Variants in FBLN2 observed in about 807,000 individuals in gnomAD.
FBLN2 encodes fibulin-2.
A neutral mutation model predicts 123.7 loss-of-function variants in FBLN2; 81 were observed. That is an observed-to-expected ratio of 0.65 (90% confidence interval 0.55 to 0.79). The LOEUF is 0.79. FBLN2 is among the 30% of genes least tolerant of loss of function. The probability of loss-of-function intolerance (pLI) is 0.00; values close to 1 mark genes in which losing one functional copy is unlikely to be tolerated. For synonymous variants in FBLN2, 699 were observed against 701.4 expected, an observed-to-expected ratio of 1.00 and a Z score of 0.05; for missense variants, 1,603 against 1,681.3, an observed-to-expected ratio of 0.95 and a Z score of 0.81.
At chr3:13,617,906 C>T (rs1457840987) in intron 5 of FBLN2, among the ~76,000 whole-genome samples, 170 bp from the exon 6 acceptor site, 3 of 150,718 alleles carry the variant, frequency 2.0e-5, no homozygotes, top group Non-Finnish European at 4.4e-5. Context: ...ATCCATCTAT[C>T]CACCCATCCA....
At chr3:13,606,947 C>T (rs575778656) in intron 2 of FBLN2, among the ~76,000 whole-genome samples, 1 of 152,090 alleles carries the variant, frequency 6.6e-6, no homozygotes, top group East Asian at 1.9e-4. Flanking sequence ...GCCACCGTGC[C>T]CGGCTGACTA....
At chr3:13,623,290 G>A (rs1304929727) in intron 9 of FBLN2, among the ~76,000 whole-genome samples, 2 of 152,218 alleles carry the variant, frequency 1.3e-5, no homozygotes, top group South Asian at 2.1e-4. Flanking sequence ...GCCCTCTCGC[G>A]GTGCCTGAGT....
chr3:13,630,058 C>A, intron 14 of FBLN2, 113 bp downstream of exon 14: 1 of 1,428,896 alleles, frequency 7.0e-7, no homozygotes, highest in Non-Finnish European at 9.5e-7. Context: ...TTCACCCTCA[C>A]ACCTTCACCC....
intron 2 of FBLN2, among the ~76,000 whole-genome samples, chr3:13,586,294 C>T (rs1704496185): frequency 6.6e-6 from 1 of 151,698 alleles, no homozygotes; most frequent in South Asian, 2.1e-4. Flanking sequence ...AAGCTATTCT[C>T]CTGCTTCAGC....
At chr3:13,609,240 G>A (rs1705307350) in intron 3 of FBLN2, among the ~76,000 whole-genome samples, 1 of 152,216 alleles carries the variant, frequency 6.6e-6, no homozygotes, top group Non-Finnish European at 1.5e-5. Context: ...CTCCCCGACC[G>A]TTGTGGGGGT....
At chr3:13,589,125 T>C (rs1476245121) in intron 2 of FBLN2, among the ~76,000 whole-genome samples, 1 of 152,238 alleles carries the variant, frequency 6.6e-6, no homozygotes, top group African/African-American at 2.4e-5. Flanking sequence ...GTTAAACTTG[T>C]CAAGAATTTC....
Position 13,636,554 on chromosome 3 carries a change from C to T in FBLN2, c.3324C>T (p.Val1108=). The change falls in exon 17 of 18, where the codon GTC becomes GTT. Residue 1108 remains valine (V), a synonymous_variant. Transcript: ENST00000404922. The part of the protein sequence containing the change: ...CLRFECPPNY[V]QVSKTKCERT... Reference sequence around the variant, plus strand: ...GCTTCGAGTGTCCTCCCAACTATGTCCAAGTCTCCAAAACGTGAGTGTCCC... The same window carrying T: ...GCTTCGAGTGTCCTCCCAACTATGTTCAAGTCTCCAAAACGTGAGTGTCCC... 6.2e-7 allele frequency: 1 copy of T among 1,613,372 alleles called. No individual in the cohort carries two copies. Among genetic ancestry groups the T allele is most frequent in the Non-Finnish European group, 8.5e-7 (1 of 1,179,672 alleles).
intron 1 of FBLN2, chr3:13,569,010 G>T (rs1279448466): frequency 2.0e-6 from 2 of 985,770 alleles, no homozygotes; most frequent in Non-Finnish European, 1.2e-6. Context: ...ATGGGGCTGC[G>T]CTTTAGGCTG....
intron 2 of FBLN2, among the ~76,000 whole-genome samples, chr3:13,588,515 T>G (rs1469512474): frequency 1.3e-5 from 2 of 152,198 alleles, no homozygotes; most frequent in Non-Finnish European, 2.9e-5. Context: ...GAGCTCCAGG[T>G]CCCAGACCAC....
intron 2 of FBLN2, among the ~76,000 whole-genome samples, chr3:13,592,030 T>A (rs963756102): frequency 5.3e-5 from 8 of 150,084 alleles, no homozygotes; most frequent in Non-Finnish European, 1.2e-4. Context: ...TTTTTTTTTT[T>A]TTTTTTTATT....
At chr3:13,560,628 C>T (rs949438414) in intron 1 of FBLN2, among the ~76,000 whole-genome samples, 10 of 152,276 alleles carry the variant, frequency 6.6e-5, no homozygotes, top group African/African-American at 2.4e-4. Context: ...CATTTGCCCG[C>T]GAGGAAATGA....
At chr3:13,572,881 T>G (rs1487647421) in intron 2 of FBLN2, among the ~76,000 whole-genome samples, 1 of 152,174 alleles carries the variant, frequency 6.6e-6, no homozygotes, top group African/African-American at 2.4e-5. Flanking sequence ...GCTGGGGGCT[T>G]GCAGATCCAG....
At chr3:13,579,764 A>G (rs1339646330) in intron 2 of FBLN2, among the ~76,000 whole-genome samples, 2 of 152,208 alleles carry the variant, frequency 1.3e-5, no homozygotes, top group African/African-American at 2.4e-5. Context: ...GCATCTCTAC[A>G]CCATGCCCCA....
At position 13,557,357 on chromosome 3, in the gene FBLN2, T is replaced by G. The variant is rs769339042; in HGVS notation, c.-42+8149T>G. Reference sequence around the variant, plus strand: ...AATACAAGAAGGTGGTTCTTCTTTCTTTGTTTTCACAAATGTCAGGATAAT... The same window carrying G: ...AATACAAGAAGGTGGTTCTTCTTTCGTTGTTTTCACAAATGTCAGGATAAT... On this transcript the variant is annotated intron_variant, in intron 1 of 17. Coordinates refer to ENST00000404922, the MANE Select transcript of FBLN2 (RefSeq NM_001004019.2). Among the ~76,000 whole-genome samples, 113 of 152,388 alleles carry G rather than the reference T, an allele frequency of 7.4e-4. 2 individuals carry two copies. Among genetic ancestry groups the G allele is most frequent in the Non-Finnish European group, 7.8e-4 (53 of 68,040 alleles).
chr3:13,602,548 A>G (rs946784815), intron 2 of FBLN2, among the ~76,000 whole-genome samples: 1 of 152,230 alleles, frequency 6.6e-6, no homozygotes, highest in Non-Finnish European at 1.5e-5. Context: ...TATTAGATAC[A>G]TGGTATGTAT....
chr3:13,629,726 C>G, intron 13 of FBLN2, 94 bp from the exon 14 acceptor site: 1 of 1,474,682 alleles, frequency 6.8e-7, no homozygotes, highest in Non-Finnish European at 9.0e-7. Flanking sequence ...CCCTCTCCCA[C>G]TTAGCCTCCC....
intron 2 of FBLN2, among the ~76,000 whole-genome samples, chr3:13,601,585 C>T (rs1186186876): frequency 1.3e-5 from 2 of 152,188 alleles, no homozygotes; most frequent in Non-Finnish European, 1.5e-5. Context: ...TCCCGGCCTC[C>T]GACACAGCAC....
chr3:13,567,572 G>T (rs573911264), intron 1 of FBLN2, among the ~76,000 whole-genome samples: 1 of 152,288 alleles, frequency 6.6e-6, no homozygotes, highest in South Asian at 2.1e-4. Context: ...TGGCCAGGCT[G>T]GTCTCGAACT....
intron 8 of FBLN2, among the ~76,000 whole-genome samples, chr3:13,620,582 T>C (rs1283279795): frequency 6.6e-6 from 1 of 152,188 alleles, no homozygotes; most frequent in African/African-American, 2.4e-5. Context: ...AATGAGGCCA[T>C]TGGATCCAGC....
Sources: gnomAD v4.1 joint callset for allele counts (sites outside exome capture counted in the v4.1 genomes callset) on GRCh38, gnomAD v4.1.1 for gene constraint, MANE v1.5 for transcripts, NCBI Gene and HGNC (gene_info 2026-07-23, HGNC 2026-07-21) for gene names.